The following CDKAL1 variants were observed in gnomAD, a reference collection of about 807,000 sequenced individuals.
CDKAL1 encodes threonylcarbamoyladenosine tRNA methylthiotransferase.
In CDKAL1, 32 loss-of-function variants were observed where a neutral mutation model predicts 68.2. The ratio of observed to expected loss-of-function variants is 0.47; its 90% CI spans 0.35 to 0.63. CDKAL1 has a LOEUF of 0.63. Ranked by LOEUF, CDKAL1 falls within the 30% of genes least tolerant of loss-of-function variation. The pLI, the probability that CDKAL1 is intolerant of heterozygous loss-of-function variation, is 0.00. For synonymous variants in CDKAL1, 234 were observed against 244.3 expected, an observed-to-expected ratio of 0.96 and a Z score of 0.39; for missense variants, 606 against 696.7, an observed-to-expected ratio of 0.87 and a Z score of 1.47.
At chr6:20,797,815 T>C (rs1776174903) in intron 8 of CDKAL1, among the ~76,000 whole-genome samples, 1 of 149,482 alleles carries the variant, frequency 6.7e-6, no homozygotes, top group Admixed American at 6.7e-5. Flanking sequence ...TTTTATTTTA[T>C]TTTATTTTAT....
chr6:20,588,725 C>G (rs1354290397), intron 4 of CDKAL1, among the ~76,000 whole-genome samples: 1 of 152,150 alleles, frequency 6.6e-6, no homozygotes, highest in African/African-American at 2.4e-5. Flanking sequence ...TTTTCGAACT[C>G]TGTTTCTCTA....
intron 5 of CDKAL1, among the ~76,000 whole-genome samples, chr6:20,666,755 A>G (rs1769567892): frequency 6.6e-6 from 1 of 151,506 alleles, no homozygotes; most frequent in African/African-American, 2.4e-5. Flanking sequence ...CTGTTTCAAA[A>G]TACATGAAAC....
At chr6:20,799,262 G>A (rs1294272143) in intron 8 of CDKAL1, among the ~76,000 whole-genome samples, 3 of 151,898 alleles carry the variant, frequency 2.0e-5, no homozygotes, top group Non-Finnish European at 2.9e-5. Context: ...ATGTTGGTCA[G>A]GTTGGTCTCG....
At chr6:20,622,840 A>G (rs1031664809) in intron 4 of CDKAL1, among the ~76,000 whole-genome samples, 3 of 151,940 alleles carry the variant, frequency 2.0e-5, no homozygotes, top group African/African-American at 2.4e-5. Flanking sequence ...TCTAGTTGCT[A>G]TCTTTGCTGT....
chr6:20,901,528 A>T (rs1246518214), intron 9 of CDKAL1, among the ~76,000 whole-genome samples: 1 of 150,962 alleles, frequency 6.6e-6, no homozygotes, highest in Non-Finnish European at 1.5e-5. Flanking sequence ...CAAAAAAAAA[A>T]TAATTAGCCG....
At chr6:21,192,166 C>T (rs1317835512) in intron 13 of CDKAL1, among the ~76,000 whole-genome samples, 13 of 148,664 alleles carry the variant, frequency 8.7e-5, no homozygotes, top group African/African-American at 1.2e-4. Context: ...GGACTACAGG[C>T]GCCCACCACC....
At chr6:20,879,885 G>C (rs1257215086) in intron 9 of CDKAL1, among the ~76,000 whole-genome samples, 5 of 152,108 alleles carry the variant, frequency 3.3e-5, no homozygotes, top group Admixed American at 3.3e-4. Context: ...GTCAATTAAA[G>C]GTTCACTCTG....
intron 10 of CDKAL1, among the ~76,000 whole-genome samples, chr6:20,964,614 A>G (rs1480501539): frequency 1.3e-5 from 2 of 152,166 alleles, no homozygotes; most frequent in Admixed American, 6.5e-5. Flanking sequence ...ACGTGGACAC[A>G]TGGCGGGGAA....
intron 6 of CDKAL1, among the ~76,000 whole-genome samples, chr6:20,740,848 T>A (rs1373790873): frequency 6.6e-6 from 1 of 152,168 alleles, no homozygotes. Flanking sequence ...TTTCTTGGTT[T>A]AAGGAATGAA....
chr6:20,901,446 G>A (rs1411878141), intron 9 of CDKAL1, among the ~76,000 whole-genome samples: 14 of 151,676 alleles, frequency 9.2e-5, no homozygotes, highest in African/African-American at 3.1e-4. Flanking sequence ...AGGCCGAGGC[G>A]GGCAGATCAC....
chr6:20,698,844 C>T (rs1771219516), intron 5 of CDKAL1, among the ~76,000 whole-genome samples: 1 of 152,126 alleles, frequency 6.6e-6, no homozygotes, highest in Non-Finnish European at 1.5e-5. Context: ...TTATATTTAT[C>T]TGGGGGAATT....
In CDKAL1 at chr6:20,758,503, A is replaced by G; in HGVS notation, c.469-92A>G. ...AGGAAACCTGCATTGATGTGCTTAG[A>G]AAATGTGTAACATTGACTCAAGCAT... On this transcript the variant is annotated intron_variant, in intron 6 of 15. Coordinates refer to ENST00000274695, the MANE Select transcript of CDKAL1 (RefSeq NM_017774.3). 4 of 1,021,904 alleles carry G rather than the reference A, an allele frequency of 3.9e-6. No individual in the cohort carries two copies. In the East Asian group the frequency reaches 9.7e-5, roughly 25 times the overall value. 63.3% of individuals were successfully genotyped at this position (1,021,904 alleles called of 1,614,324 possible). A position where few individuals can be genotyped will look rare whatever the true frequency, so the allele number is the denominator to read the frequency against.
At chr6:21,070,126 T>A (rs1409587698) in intron 12 of CDKAL1, among the ~76,000 whole-genome samples, 1 of 151,990 alleles carries the variant, frequency 6.6e-6, no homozygotes, top group Non-Finnish European at 1.5e-5. Context: ...ACACACCCTT[T>A]CTAATCTCTG....
Position 20,970,659 on chromosome 6 carries a change from C to A in CDKAL1, c.909+15074C>A, listed in dbSNP as rs553822732. On this transcript the variant is annotated intron_variant, in intron 10 of 15. Coordinates refer to ENST00000274695, the MANE Select transcript of CDKAL1 (RefSeq NM_017774.3). ...AAAGCTTTTGAGGAAGAACTCATGT[C>A]ATTAGCAGGTTATTGACAGCAAATG... Among the ~76,000 whole-genome samples, 18 of 152,292 alleles carry A rather than the reference C, an allele frequency of 1.2e-4. No individual in the cohort carries two copies. In the South Asian group the frequency reaches 3.5e-3, roughly 30 times the overall value.
At chr6:21,175,545 A>T (rs1582358894) in intron 13 of CDKAL1, among the ~76,000 whole-genome samples, 1 of 152,302 alleles carries the variant, frequency 6.6e-6, no homozygotes, top group South Asian at 2.1e-4. Context: ...ATTAGCTTCT[A>T]CTTTTTCTTC....
At chr6:20,680,121 G>A (rs999911531) in intron 5 of CDKAL1, among the ~76,000 whole-genome samples, 2 of 152,028 alleles carry the variant, frequency 1.3e-5, no homozygotes, top group East Asian at 1.9e-4. Flanking sequence ...AGGTTGAAGT[G>A]TAGTGGCGTA....
intron 5 of CDKAL1, among the ~76,000 whole-genome samples, chr6:20,663,687 A>G (rs900004123): frequency 6.6e-5 from 10 of 152,242 alleles, no homozygotes; most frequent in Admixed American, 2.6e-4. Flanking sequence ...TAAGGAAAAT[A>G]TGTTTTTCAT....
Position 20,597,576 on chromosome 6 carries a change from G to A in CDKAL1, c.286+48871G>A, listed in dbSNP as rs150264331. 4.8e-3 allele frequency among the ~76,000 whole-genome samples: 728 copies of A among 151,966 alleles called. 6 individuals are homozygous for A. Among genetic ancestry groups the A allele is most frequent in the African/African-American group, 0.016 (678 of 41,428 alleles). On this transcript the variant is annotated intron_variant, in intron 4 of 15. Coordinates refer to ENST00000274695, the MANE Select transcript of CDKAL1 (RefSeq NM_017774.3). Reference sequence around the variant, plus strand: ...ATTACAGGTGTGCACCACCATGCCCGGCCAGTTTTTGTATTTTCAGTAGAG... The same window carrying A: ...ATTACAGGTGTGCACCACCATGCCCAGCCAGTTTTTGTATTTTCAGTAGAG...
chr6:20,677,844 T>C (rs1376779253), intron 5 of CDKAL1, among the ~76,000 whole-genome samples: 1 of 152,204 alleles, frequency 6.6e-6, no homozygotes, highest in African/African-American at 2.4e-5. Flanking sequence ...ATATCACTAG[T>C]TTTTAGAAAT....
Sources: allele counts gnomAD v4.1 joint callset (sites outside exome capture counted in the v4.1 genomes callset), GRCh38; gene constraint gnomAD v4.1.1; transcripts MANE v1.5; gene names NCBI Gene and HGNC (gene_info 2026-07-23, HGNC 2026-07-21).